BBS12: variants seen among roughly 807,000 people sequenced by gnomAD.
BBS12 encodes the protein Bardet-Biedl syndrome 12.
In BBS12, 5 loss-of-function variants were observed where a neutral mutation model predicts 5.6. That is an observed-to-expected ratio of 0.89 (90% CI 0.46 to 1.86). BBS12 has a LOEUF of 1.86. Among genes scored for constraint, BBS12 ranks in the 40% most tolerant of loss-of-function variants. The pLI, the probability that BBS12 is intolerant of heterozygous loss-of-function variation, is 0.01. For missense variants in BBS12, 748 were observed against 830.4 expected, an observed-to-expected ratio of 0.90 and a Z score of 1.22; for synonymous variants, 308 against 306.8, an observed-to-expected ratio of 1.00 and a Z score of -0.04.
chr4:122,701,879 C>G, the BBS12 span, among the ~76,000 whole-genome samples: 1 of 152,144 alleles, frequency 6.6e-6, no homozygotes, highest in Non-Finnish European at 1.5e-5. Context: ...GAAGCTGGAG[C>G]TTATCACATT....
chr4:122,712,715 A>G, the BBS12 span, among the ~76,000 whole-genome samples: 9 of 152,206 alleles, frequency 5.9e-5, no homozygotes, highest in Admixed American at 6.5e-5. Flanking sequence ...TACATATCTC[A>G]TCTTTGCTTC....
rs189994296 is a variant in BBS12, at chr4:122,737,462, T to G, written c.-10-4421T>G. 2.0e-5 allele frequency among the ~76,000 whole-genome samples: 3 copies of G among 152,346 alleles called. No individual in the cohort carries two copies. In the East Asian group the frequency reaches 5.8e-4, roughly 29 times the overall value. Reference sequence around the variant, plus strand: ...TATTCTGCTTCATTTTCCACATCACTAAAATAGATTATAGTACCTCCCTCA... The same window carrying G: ...TATTCTGCTTCATTTTCCACATCACGAAAATAGATTATAGTACCTCCCTCA... On this transcript the variant is annotated intron_variant, in intron 1 of 1. Coordinates refer to ENST00000314218, the MANE Select transcript of BBS12 (RefSeq NM_152618.3).
At chr4:122,726,727 G>A in the BBS12 span, among the ~76,000 whole-genome samples, 2 of 152,124 alleles carry the variant, frequency 1.3e-5, no homozygotes, top group East Asian at 3.8e-4. Context: ...TCAACAAGTA[G>A]ATAAGGAAAT....
the BBS12 span, among the ~76,000 whole-genome samples, chr4:122,712,581 G>C: frequency 6.6e-6 from 1 of 152,172 alleles, no homozygotes; most frequent in African/African-American, 2.4e-5. Flanking sequence ...AAGTACAAAT[G>C]CAGTGAGTGT....
chr4:122,711,909 T>G, the BBS12 span, among the ~76,000 whole-genome samples: 1 of 152,166 alleles, frequency 6.6e-6, no homozygotes, highest in Non-Finnish European at 1.5e-5. Context: ...TGGGGGAATC[T>G]GCTATCAATG....
chr4:122,743,778 C>T lies in BBS12; in HGVS notation c.1886C>T (p.Ser629Phe). 1 of 1,614,084 alleles carries T rather than the reference C, an allele frequency of 6.2e-7. No individual in the cohort carries two copies. Among genetic ancestry groups the T allele is most frequent in the Non-Finnish European group, 8.5e-7 (1 of 1,179,970 alleles). The stretch of plus-strand genomic sequence containing the variant: ...CATCATCTGCAAAATGCCACAGACT[C>T]TGGCTCTCCTTCATCTTACATCTTG... Reference protein sequence around the residue: ...IQHHLQNATDSGSPSSYILNE... With the variant: ...IQHHLQNATDFGSPSSYILNE... Residue 629 changes from serine to phenylalanine, a missense_variant, in exon 2 of 2, where the codon TCT (serine) becomes TTT (phenylalanine). Physicochemically the swap from Ser to Phe is radical, Grantham distance 155. Transcript: ENST00000314218.
At chr4:122,715,613 G>A in the BBS12 span, among the ~76,000 whole-genome samples, 9 of 152,266 alleles carry the variant, frequency 5.9e-5, no homozygotes, top group African/African-American at 2.2e-4. Context: ...CAGTTCAAGG[G>A]TGCTTTGTAA....
chr4:122,707,976 T>TTCCTTCCTTC, the BBS12 span, among the ~76,000 whole-genome samples: 2 of 100,554 alleles, frequency 2.0e-5, no homozygotes, highest in African/African-American at 6.3e-5. Context: ...TTCCTTCCTT[T>TTCCTTCCTTC]CTTTCTTTCT....
At chr4:122,719,531 C>G in the BBS12 span, among the ~76,000 whole-genome samples, 3 of 152,056 alleles carry the variant, frequency 2.0e-5, no homozygotes, top group African/African-American at 7.2e-5. Context: ...CTGAAGTCAG[C>G]GAGACCATGA....
the BBS12 span, among the ~76,000 whole-genome samples, chr4:122,714,551 G>A: frequency 8.6e-5 from 13 of 151,886 alleles, no homozygotes; most frequent in Non-Finnish European, 1.5e-4. Context: ...AGGCTGAGGC[G>A]GGCGCATCAC....
At chr4:122,707,943 CCCTTCCTT>C in the BBS12 span, among the ~76,000 whole-genome samples, 323 of 143,234 alleles carry the variant, frequency 2.3e-3, 1 homozygote, top group Middle Eastern at 0.011. Flanking sequence ...ACACTCCTTT[CCCTTCCTT>C]CCTTCCTTCC....
chr4:122,705,282 A>G, the BBS12 span, among the ~76,000 whole-genome samples: 1 of 152,170 alleles, frequency 6.6e-6, no homozygotes, highest in Non-Finnish European at 1.5e-5. Flanking sequence ...ATTTTAAGCC[A>G]CTGAATTTTG....
chr4:122,717,691 A>G, the BBS12 span, among the ~76,000 whole-genome samples: 3 of 152,064 alleles, frequency 2.0e-5, no homozygotes, highest in Non-Finnish European at 4.4e-5. Flanking sequence ...CACCGTGCCC[A>G]GCTAGTTTCT....
chr4:122,720,577 C>T, the BBS12 span, among the ~76,000 whole-genome samples: 2 of 152,086 alleles, frequency 1.3e-5, no homozygotes, highest in East Asian at 3.9e-4. Context: ...AGTAAACTTA[C>T]TTAGTTTGAA....
the BBS12 span, among the ~76,000 whole-genome samples, chr4:122,713,268 A>G: frequency 6.6e-6 from 1 of 151,986 alleles, no homozygotes; most frequent in African/African-American, 2.4e-5. Context: ...TCATGTTTTT[A>G]TATGTTTCTC....
chr4:122,718,751 A>T, the BBS12 span, among the ~76,000 whole-genome samples: 47 of 150,344 alleles, frequency 3.1e-4, no homozygotes, highest in East Asian at 8.7e-3. Flanking sequence ...AATGAAATGA[A>T]ATGAAATGAA....
chr4:122,714,110 T>G, the BBS12 span, among the ~76,000 whole-genome samples: 2 of 152,108 alleles, frequency 1.3e-5, no homozygotes, highest in Admixed American at 1.3e-4. Context: ...TAAGGTTAAA[T>G]GTAGTAATAA....
intron 1 of BBS12, among the ~76,000 whole-genome samples, chr4:122,736,660 G>T (rs1800788043): frequency 1.3e-5 from 2 of 152,148 alleles, no homozygotes; most frequent in African/African-American, 4.8e-5. Flanking sequence ...AACAGGACAT[G>T]CATAGCAGGA....
At chr4:122,708,972 T>G in the BBS12 span, among the ~76,000 whole-genome samples, 1 of 152,120 alleles carries the variant, frequency 6.6e-6, no homozygotes, top group Non-Finnish European at 1.5e-5. Context: ...CCTTTGAGGT[T>G]ACAAGGATGA....
Sources: gnomAD v4.1 joint callset for allele counts (sites outside exome capture counted in the v4.1 genomes callset) on GRCh38, gnomAD v4.1.1 for gene constraint, MANE v1.5 for transcripts, NCBI Gene and HGNC (gene_info 2026-07-23, HGNC 2026-07-21) for gene names.